Variants in GRIK2 observed in about 807,000 individuals in gnomAD.
GRIK2 encodes glutamate ionotropic receptor kainate type subunit 2.
GRIK2 carries 32 observed loss-of-function variants against 100.3 expected under a neutral mutation model. The ratio of observed to expected loss-of-function variants is 0.32; its 90% CI spans 0.24 to 0.43. The LOEUF is 0.43. Ranked by LOEUF, GRIK2 falls within the 20% of genes least tolerant of loss-of-function variation. The pLI, the probability that GRIK2 is intolerant of heterozygous loss-of-function variation, is 1.00. For missense variants in GRIK2, 843 were observed against 1,114.9 expected, an observed-to-expected ratio of 0.76 and a Z score of 3.47; for synonymous variants, 417 against 389.4, an observed-to-expected ratio of 1.07 and a Z score of -0.83.
At chr6:101,558,140 C>A (rs9373615) in intron 2 of GRIK2, among the ~76,000 whole-genome samples, 22,577 of 152,144 alleles carry the variant, frequency 0.15, 1,897 homozygotes, top group South Asian at 0.31. Context: ...TTCTAAATAG[C>A]CAAATCTAGC....
intron 15 of GRIK2, among the ~76,000 whole-genome samples, chr6:102,043,612 T>G (rs984092845): frequency 6.6e-6 from 1 of 151,976 alleles, no homozygotes; most frequent in Non-Finnish European, 1.5e-5. Context: ...GGCTGAATAG[T>G]ATTCCATTGT....
intron 2 of GRIK2, among the ~76,000 whole-genome samples, chr6:101,405,370 A>G (rs1329496761): frequency 6.6e-6 from 1 of 150,530 alleles, no homozygotes; most frequent in African/African-American, 2.4e-5. Flanking sequence ...GATCTTTCTC[A>G]TTTGAAAAAA....
intron 14 of GRIK2, among the ~76,000 whole-genome samples, chr6:101,957,808 T>C (rs1172144922): frequency 6.6e-6 from 1 of 152,130 alleles, no homozygotes; most frequent in Non-Finnish European, 1.5e-5. Context: ...TGTATACTTT[T>C]GTCAATTTTG....
intron 13 of GRIK2, among the ~76,000 whole-genome samples, chr6:101,925,159 A>C (rs2128470495): frequency 6.6e-6 from 1 of 152,278 alleles, no homozygotes. Context: ...CATGATTAGT[A>C]AATTTACTGC....
intron 14 of GRIK2, among the ~76,000 whole-genome samples, chr6:101,946,142 G>A (rs756396528): frequency 6.6e-6 from 1 of 151,886 alleles, no homozygotes; most frequent in Non-Finnish European, 1.5e-5. Context: ...GGTGTTTTGA[G>A]ATTAGTAAAG....
rs149020719 is a variant in GRIK2 at position 101,893,986 on chromosome 6, T to A, written c.1748+4123T>A. On this transcript the variant is annotated intron_variant, in intron 12 of 16. Transcript: ENST00000369134. ...TCTGAAAAATATCTTGTAATATATA[T>A]TTTGCTGGAGAGAAACATACAACTA... 7.9e-3 allele frequency among the ~76,000 whole-genome samples: 1,203 copies of A among 151,648 alleles called. 22 individuals are homozygous for A. Among genetic ancestry groups the A allele is most frequent in the African/African-American group, 0.027 (1,138 of 41,484 alleles).
At chr6:101,490,400 C>T (rs2128266638) in intron 2 of GRIK2, among the ~76,000 whole-genome samples, 1 of 146,572 alleles carries the variant, frequency 6.8e-6, no homozygotes, top group Non-Finnish European at 1.5e-5. Flanking sequence ...GGCAGTTTGC[C>T]TACCCTGTGC....
chr6:101,681,202 G>A (rs923235483), intron 5 of GRIK2, among the ~76,000 whole-genome samples: 7 of 152,002 alleles, frequency 4.6e-5, no homozygotes, highest in South Asian at 2.1e-4. Flanking sequence ...GGCATACAAC[G>A]TGTAATAATT....
At chr6:101,990,244 A>G (rs985794590) in intron 14 of GRIK2, among the ~76,000 whole-genome samples, 4 of 151,648 alleles carry the variant, frequency 2.6e-5, no homozygotes, top group Admixed American at 6.6e-5. Context: ...TTTTCTTACA[A>G]TTCTTACAAC....
chr6:101,736,530 G>A (rs1775642589), intron 7 of GRIK2, among the ~76,000 whole-genome samples: 1 of 152,056 alleles, frequency 6.6e-6, no homozygotes, highest in South Asian at 2.1e-4. Flanking sequence ...AAGGCTTGGG[G>A]CTTGCACCCT....
At position 101,949,370 on chromosome 6, in the gene GRIK2, C is replaced by CT. The variant is rs139136973; in HGVS notation, c.2085+20746dup. On this transcript the variant is annotated intron_variant, in intron 14 of 16. Transcript: ENST00000369134. Reference sequence around the variant, plus strand: ...GGTCTAGGAACTCCTCTTTGATTATCTTTTTTTTGTTATCCTTTTAAGTTC... The same window carrying CT: ...GGTCTAGGAACTCCTCTTTGATTATCTTTTTTTTTGTTATCCTTTTAAGTTC... Among the ~76,000 whole-genome samples the CT allele has an allele frequency of 7.6e-3, 1,158 of 151,908 alleles. 4 individuals are homozygous for CT. The highest frequency in any genetic ancestry group is 0.017 in the African/African-American group (689 of 41,422).
chr6:101,615,513 A>G (rs1779850899), intron 2 of GRIK2, among the ~76,000 whole-genome samples: 1 of 151,818 alleles, frequency 6.6e-6, no homozygotes, highest in Non-Finnish European at 1.5e-5. Flanking sequence ...ATGCTTCTTT[A>G]AGATCATATA....
intron 2 of GRIK2, among the ~76,000 whole-genome samples, chr6:101,613,959 C>T (rs1779790316): frequency 6.6e-6 from 1 of 150,866 alleles, no homozygotes. Context: ...TTTAGGAAAA[C>T]AGGGGATGGA....
intron 5 of GRIK2, among the ~76,000 whole-genome samples, chr6:101,682,036 C>T (rs1218828784): frequency 6.6e-6 from 1 of 152,162 alleles, no homozygotes; most frequent in Non-Finnish European, 1.5e-5. Flanking sequence ...ACAACAAAAA[C>T]ATTTCTTTAA....
chr6:101,611,031 A>T (rs1779653154), intron 2 of GRIK2, among the ~76,000 whole-genome samples: 1 of 151,714 alleles, frequency 6.6e-6, no homozygotes, highest in Admixed American at 6.6e-5. Flanking sequence ...CCTCTACTTT[A>T]AAATTAATAT....
At chr6:101,721,522 T>G (rs1195740907) in intron 7 of GRIK2, among the ~76,000 whole-genome samples, 49 of 151,998 alleles carry the variant, frequency 3.2e-4, no homozygotes, top group Admixed American at 3.2e-3. Context: ...ATTGTACCCC[T>G]GCACTCCAGG....
intron 12 of GRIK2, among the ~76,000 whole-genome samples, chr6:101,909,881 T>G (rs1788549074): frequency 1.3e-5 from 2 of 151,050 alleles, no homozygotes; most frequent in South Asian, 4.1e-4. Context: ...CATCTACATG[T>G]AGAGAATAAA....
At chr6:101,935,735 G>T (rs1340277) in intron 14 of GRIK2, among the ~76,000 whole-genome samples, 124,004 of 151,822 alleles carry the variant, frequency 0.82, 50,848 homozygotes, top group East Asian at 0.92. Context: ...AACTACTTCT[G>T]CTCCTTTCCT....
chr6:101,941,921 C>T (rs2128475855), intron 14 of GRIK2, among the ~76,000 whole-genome samples: 1 of 151,962 alleles, frequency 6.6e-6, no homozygotes, highest in East Asian at 1.9e-4. Context: ...TACATTTTTT[C>T]CTCAAATGAC....
Sources: allele counts gnomAD v4.1 joint callset (sites outside exome capture counted in the v4.1 genomes callset), GRCh38; gene constraint gnomAD v4.1.1; transcripts MANE v1.5; gene names NCBI Gene and HGNC (gene_info 2026-07-23, HGNC 2026-07-21).